Variants in ADAM11 observed in about 807,000 individuals in gnomAD.
The protein encoded by ADAM11 is disintegrin and metalloproteinase domain-containing protein 11.
In ADAM11, 49 loss-of-function variants were observed where a neutral mutation model predicts 119.1. The observed-to-expected ratio is 0.41, with a 90% confidence interval of 0.33 to 0.52. The LOEUF is 0.52. ADAM11 is among the 20% of genes least tolerant of loss of function. ADAM11 has a pLI of 0.20. For missense variants in ADAM11, 777 were observed against 1,047.5 expected (o/e 0.74, Z 3.56); for synonymous variants, 364 against 408.0 (o/e 0.89, Z 1.30).
rs761962669 is a variant in ADAM11, at chr17:44,775,198, C to A, written c.1221-14C>A. ...AGGGGAGCAGCCAGCAGCACCTCCC[C>A]TCGCCCTATCCAGGTTCTACCTGCC... On this transcript the variant is annotated splice_polypyrimidine_tract_variant and intron_variant, in intron 14 of 26. Transcript: ENST00000200557. This position sits in a 1 kb window ranked among gnomAD's most constrained non-coding sequence, Gnocchi z 7.5. The A allele has an allele frequency of 2.5e-6, 4 of 1,607,814 alleles. No individual in the cohort carries two copies. Among genetic ancestry groups the A allele is most frequent in the Non-Finnish European group, 3.4e-6 (4 of 1,174,830 alleles).
In ADAM11 at chr17:44,774,096, GA is replaced by G. The variant is rs1244085481; in HGVS notation, c.993-193del. Reference sequence around the variant, plus strand: ...ACAAGAGTGAAACTCTGTCTCAAAAGAAAAAAGAAAAAGAAAGAAAAAAAAG... The same window carrying G: ...ACAAGAGTGAAACTCTGTCTCAAAAGAAAAAGAAAAAGAAAGAAAAAAAAG... On this transcript the variant is annotated intron_variant, in intron 11 of 26. Coordinates refer to ENST00000200557, the MANE Select transcript of ADAM11 (RefSeq NM_002390.6). Among the ~76,000 whole-genome samples, 3 of 66,602 alleles carry G rather than the reference GA, an allele frequency of 4.5e-5. No homozygotes were observed. The East Asian group carries it at 2.1e-3, about 47-fold the overall frequency. 43.7% of individuals were successfully genotyped at this position (66,602 alleles called of 152,430 possible).
Position 44,776,731 on chromosome 17 carries a change from C to G in ADAM11, c.1567-14C>G. The G allele has an allele frequency of 1.2e-6, 2 of 1,613,974 alleles. No homozygotes were observed. Among genetic ancestry groups the G allele is most frequent in the Non-Finnish European group, 1.7e-6 (2 of 1,179,956 alleles). On this transcript the variant is annotated splice_polypyrimidine_tract_variant and intron_variant, in intron 18 of 26. Transcript: ENST00000200557. This position sits in a 1 kb window ranked among gnomAD's most constrained non-coding sequence, Gnocchi z 5.2. Reference sequence around the variant, plus strand: ...CTGGGACTGCTCCGCTCAACCCCACCCCTCTCTCCACAGTGCCCGCCTAAC... The same window carrying G: ...CTGGGACTGCTCCGCTCAACCCCACGCCTCTCTCCACAGTGCCCGCCTAAC...
rs988368823 is a variant in ADAM11 at position 44,777,695 on chromosome 17, G to A, written c.1902G>A (p.Arg634=). Residue 634 remains arginine (R), a splice_region_variant and synonymous_variant, in exon 23 of 27, where the codon AGG becomes AGA. Transcript: ENST00000200557. The surrounding 1 kb of genome is among the most constrained non-coding windows in gnomAD (Gnocchi z 5.1). ...GAGGCTGGCTGTGTCACTTCCCCAG[G>A]GGAGGCCACGTGCAGCTGGCGGACG... is the stretch of plus-strand genomic sequence containing the variant. ...FYHQGKELDC[R]GGHVQLADGS... 9 of 1,613,686 alleles carry A rather than the reference G, an allele frequency of 5.6e-6. No individual in the cohort carries two copies. The highest frequency in any genetic ancestry group is 7.6e-6 in the Non-Finnish European group (9 of 1,179,866).
intron 25 of ADAM11, among the ~76,000 whole-genome samples, chr17:44,778,467 G>A (rs529215885): frequency 2.0e-5 from 3 of 152,160 alleles, no homozygotes; most frequent in South Asian, 2.1e-4. Flanking sequence ...CAAGGCAGGC[G>A]GATCACCTGA....
At chr17:44,774,233 C>A in intron 11 of ADAM11, 62 bp from the exon 12 acceptor site, 1 of 1,170,836 alleles carries the variant, frequency 8.5e-7, no homozygotes, top group Non-Finnish European at 1.2e-6. Flanking sequence ...CAAGGCCCCA[C>A]CACCACCCGG....
intron 2 of ADAM11, among the ~76,000 whole-genome samples, chr17:44,761,101 G>C (rs2049383827): frequency 6.6e-6 from 1 of 152,068 alleles, no homozygotes; most frequent in African/African-American, 2.4e-5. Flanking sequence ...CTAGGGCCGG[G>C]GATGGGGTGT....
chr17:44,774,840 G>C (rs1223557259), intron 14 of ADAM11, 91 bp downstream of exon 14: 3 of 1,476,044 alleles, frequency 2.0e-6, no homozygotes, highest in Admixed American at 2.4e-5. Context: ...GGGGGCTCAA[G>C]AGGCCCAGCT....
At chr17:44,760,549 C>A (rs1598880230) in intron 2 of ADAM11, among the ~76,000 whole-genome samples, 3 of 152,316 alleles carry the variant, frequency 2.0e-5, no homozygotes, top group African/African-American at 7.2e-5. Context: ...TAATTAATAT[C>A]ATGTGAATAA....
intron 2 of ADAM11, among the ~76,000 whole-genome samples, chr17:44,766,471 C>T (rs2049452148): frequency 6.6e-6 from 1 of 152,204 alleles, no homozygotes; most frequent in Non-Finnish European, 1.5e-5. Flanking sequence ...CGCTCTGAAG[C>T]AGATGTCTAG....
At chr17:44,764,194 G>A (rs918207669) in intron 2 of ADAM11, among the ~76,000 whole-genome samples, 1 of 152,208 alleles carries the variant, frequency 6.6e-6, no homozygotes, top group African/African-American at 2.4e-5. Context: ...TAGGGGAGGG[G>A]TGCCTCAGTC....
chr17:44,766,779 C>T (rs1310256455), intron 2 of ADAM11, among the ~76,000 whole-genome samples: 1 of 152,132 alleles, frequency 6.6e-6, no homozygotes, highest in Non-Finnish European at 1.5e-5. Flanking sequence ...GGCACAGGGT[C>T]AGCTGAGGGC....
At chr17:44,778,360 T>C in intron 25 of ADAM11, 118 bp downstream of exon 25, 1 of 1,007,136 alleles carries the variant, frequency 9.9e-7, no homozygotes, top group Non-Finnish European at 1.4e-6. Flanking sequence ...TCACACGTCA[T>C]AGGTCCAAGT....
At chr17:44,760,519 G>A (rs1302975798) in intron 2 of ADAM11, among the ~76,000 whole-genome samples, 1 of 152,232 alleles carries the variant, frequency 6.6e-6, no homozygotes, top group African/African-American at 2.4e-5. Flanking sequence ...GCATGAAGGA[G>A]ATTAATTGCA....
rs1355822105 is a variant in ADAM11, at chr17:44,773,138, C to A, written c.825+53C>A. The A allele has an allele frequency of 1.7e-5, 27 of 1,592,010 alleles. No homozygotes were observed. In the East Asian group the frequency reaches 5.6e-4, roughly 33 times the overall value. On this transcript the variant is annotated intron_variant, in intron 10 of 26. Transcript: ENST00000200557. This position sits in a 1 kb window ranked among gnomAD's most constrained non-coding sequence, Gnocchi z 4.6. ...CTCCTCCTCATGCCCCCCACCCCAC[C>A]ACACACATTAGGGGGCACTGTCAGC...
At chr17:44,770,575 G>C (rs1426836122) in intron 4 of ADAM11, among the ~76,000 whole-genome samples, 1 of 151,116 alleles carries the variant, frequency 6.6e-6, no homozygotes, top group East Asian at 1.9e-4. Flanking sequence ...GGGTGCCACT[G>C]GTCCCCCCAG....
Position 44,772,165 on chromosome 17 carries a change from AC to A in ADAM11, c.544-98del. 2 of 1,145,844 alleles carry A rather than the reference AC, an allele frequency of 1.7e-6. No homozygotes were observed. Among genetic ancestry groups the A allele is most frequent in the Non-Finnish European group, 2.5e-6 (2 of 801,020 alleles). 71.0% of individuals were successfully genotyped at this position (1,145,844 alleles called of 1,614,324 possible). A position where few individuals can be genotyped will look rare whatever the true frequency, so the allele number is the denominator to read the frequency against. ...TGGGAGCTGTGGCCAGTTCTGGGTCACCCCAGGGTGGGGTGGAGGCGAGGGC... is the reference window on the plus strand; with the variant it reads ...TGGGAGCTGTGGCCAGTTCTGGGTCACCCAGGGTGGGGTGGAGGCGAGGGC... On this transcript the variant is annotated intron_variant, in intron 6 of 26. Coordinates refer to ENST00000200557, the MANE Select transcript of ADAM11 (RefSeq NM_002390.6). The surrounding 1 kb of genome is among the most constrained non-coding windows in gnomAD (Gnocchi z 4.5).
intron 2 of ADAM11, among the ~76,000 whole-genome samples, chr17:44,765,115 T>C (rs898016540): frequency 5.3e-5 from 8 of 151,880 alleles, no homozygotes; most frequent in African/African-American, 1.9e-4. Flanking sequence ...AATCCCATCA[T>C]TGGAAATTTG....
Position 44,780,099 on chromosome 17 carries a change from T to G in ADAM11, c.*345T>G. 4.8e-6 allele frequency: 3 copies of G among 628,690 alleles called. No homozygotes were observed. The highest frequency in any genetic ancestry group is 3.3e-5 in the East Asian group (1 of 30,650). 38.9% of individuals were successfully genotyped at this position (628,690 alleles called of 1,614,324 possible). On this transcript the variant is annotated 3_prime_UTR_variant, in exon 27 of 27. Transcript: ENST00000200557. ...GCCCCCAGGCAGCCACCAGTGGACCTAGCCTGGATGGCCCCTCCTTGCAAC... is the reference window on the plus strand; with the variant it reads ...GCCCCCAGGCAGCCACCAGTGGACCGAGCCTGGATGGCCCCTCCTTGCAAC...
At position 44,772,453 on chromosome 17, in the gene ADAM11, G is replaced by A; in HGVS notation, c.665G>A (p.Arg222Lys). Residue 222 changes from arginine to lysine, a missense_variant, in exon 8 of 27, where the codon AGA becomes AAA. Around this residue, in one of 4 missense-constraint regions of ADAM11, gnomAD observed 278 missense variants for 310.1 expected, o/e 0.90. Coordinates refer to ENST00000200557, the MANE Select transcript of ADAM11 (RefSeq NM_002390.6). The surrounding 1 kb of genome is among the most constrained non-coding windows in gnomAD (Gnocchi z 4.5). ...QSAPPNRPRL[R>K]RKRQVRRGHP... is the part of the protein sequence containing the mutation. The stretch of plus-strand genomic sequence containing the variant: ...GCTCCTCCAAACCGGCCGAGGCTGA[G>A]AAGGAAAAGGCAGGTACGGGGGCCC... 1 of 1,573,190 alleles carries A rather than the reference G, an allele frequency of 6.4e-7. No homozygotes were observed. The highest frequency in any genetic ancestry group is 8.6e-7 in the Non-Finnish European group (1 of 1,159,020).
Sources: gnomAD v4.1 joint callset for allele counts (sites outside exome capture counted in the v4.1 genomes callset) on GRCh38, gnomAD v4.1.1 for gene constraint, gnomAD v4.1.1 regional missense constraint, Gnocchi (gnomAD v3.1) non-coding constraint, MANE v1.5 for transcripts, NCBI Gene and HGNC (gene_info 2026-07-23, HGNC 2026-07-21) for gene names.